Variants in MACF1 observed in about 807,000 individuals in gnomAD.
MACF1 encodes the protein microtubule-actin cross-linking factor 1.
MACF1 carries 193 observed loss-of-function variants against 854.8 expected under a neutral mutation model. The observed-to-expected ratio is 0.23, with a 90% CI of 0.20 to 0.25. The LOEUF is 0.25. Among genes scored for constraint, MACF1 ranks in the 10% least tolerant of loss-of-function variants. MACF1 has a pLI of 1.00. For missense variants in MACF1, 7,722 were observed against 8,929.1 expected, an observed-to-expected ratio of 0.86 and a Z score of 5.45; for synonymous variants, 3,185 against 3,226.7, an observed-to-expected ratio of 0.99 and a Z score of 0.44.
intron 2 of MACF1, among the ~76,000 whole-genome samples, chr1:39,172,825 GGGGTGA>G (rs1643970269): frequency 6.6e-6 from 1 of 152,232 alleles, no homozygotes; most frequent in African/African-American, 2.4e-5. Context: ...GTTCATGCAA[GGGGTGA>G]GGTTGGCATG....
chr1:39,444,056 C>T (rs71642682), intron 79 of MACF1, among the ~76,000 whole-genome samples: 200 of 152,262 alleles, frequency 1.3e-3, no homozygotes, highest in Non-Finnish European at 2.0e-3. Flanking sequence ...TTTTTCTTGG[C>T]CGAGCGCAGT....
intron 55 of MACF1, among the ~76,000 whole-genome samples, chr1:39,381,199 A>C (rs112193404): frequency 0.041 from 6,203 of 152,018 alleles, 344 homozygotes; most frequent in African/African-American, 0.12. Flanking sequence ...CTGGCATTGC[A>C]GGCATGCGCC....
upstream of MACF1, among the ~76,000 whole-genome samples, chr1:39,202,723 A>G (rs1354177809): frequency 6.6e-6 from 1 of 151,756 alleles, no homozygotes; most frequent in Non-Finnish European, 1.5e-5. Flanking sequence ...CATTTATGTG[A>G]CAAGCTATGT....
chr1:39,392,306 A>G (rs1642066925), intron 58 of MACF1, among the ~76,000 whole-genome samples: 1 of 152,194 alleles, frequency 6.6e-6, no homozygotes, highest in Admixed American at 6.6e-5. Flanking sequence ...TTTTGGACCC[A>G]TTCTGAGGAC....
intron 72 of MACF1, among the ~76,000 whole-genome samples, chr1:39,439,845 A>G (rs557851675): frequency 6.6e-6 from 1 of 152,198 alleles, no homozygotes; most frequent in African/African-American, 2.4e-5. Context: ...ACCTCAGGTG[A>G]TCCACCCACC....
chr1:39,392,859 G>A (rs543916637), intron 58 of MACF1, among the ~76,000 whole-genome samples: 5 of 152,172 alleles, frequency 3.3e-5, no homozygotes, highest in Non-Finnish European at 7.3e-5. Context: ...GTGGAAGAGA[G>A]TTCCTTTCCA....
intron 1 of MACF1, among the ~76,000 whole-genome samples, chr1:39,216,403 T>G (rs1644577697): frequency 6.6e-6 from 1 of 152,224 alleles, no homozygotes; most frequent in African/African-American, 2.4e-5. Flanking sequence ...ACTGGTTTGG[T>G]AATCTACTAT....
At chr1:39,295,751 C>A in intron 19 of MACF1, 36 bp from the exon 20 acceptor site, 2 of 1,498,690 alleles carry the variant, frequency 1.3e-6, no homozygotes, top group Non-Finnish European at 1.8e-6. Flanking sequence ...GTCTGTTAAA[C>A]TCAAGCCCTT....
intron 1 of MACF1, among the ~76,000 whole-genome samples, chr1:39,227,577 G>A (rs1398112193): frequency 6.6e-6 from 1 of 152,086 alleles, no homozygotes; most frequent in African/African-American, 2.4e-5. Context: ...GTCAGAAAAG[G>A]CAGCCAAAAT....
Position 39,340,963 on chromosome 1 carries a change from A to G in MACF1, c.10581+10A>G, listed in dbSNP as rs937144859. ...CCTCCAACAGTATGAGGTAAACTCA[A>G]GCACATTTTCTTTGTCCTTTGAGTT... is the stretch of plus-strand genomic sequence containing the variant. On this transcript the variant is annotated intron_variant, in intron 40 of 100. Coordinates refer to ENST00000564288, the MANE Select transcript of MACF1 (RefSeq NM_001394062.1). The G allele has an allele frequency of 4.4e-6, 7 of 1,587,992 alleles. No individual in the cohort carries two copies. Among genetic ancestry groups the G allele is most frequent in the Non-Finnish European group, 8.6e-7 (1 of 1,169,212 alleles).
At chr1:39,398,408 G>A (rs754784926) in intron 58 of MACF1, among the ~76,000 whole-genome samples, 1 of 151,966 alleles carries the variant, frequency 6.6e-6, no homozygotes, top group Non-Finnish European at 1.5e-5. Flanking sequence ...CAGAGTGCTG[G>A]TATTACAGGA....
chr1:39,422,748 C>G lies in MACF1; in HGVS notation c.15997C>G (p.Gln5333Glu), dbSNP rs749469206. Reference sequence around the variant, plus strand: ...GATACAGGTCGCACAAAGAATTGCACAGCTACAGGAAGCTTTGTTGCATTG... The same window carrying G: ...GATACAGGTCGCACAAAGAATTGCAGAGCTACAGGAAGCTTTGTTGCATTG... ...LNKKVAQRIA[Q>E]LQEALLHCGK... The change falls in exon 60 of 101, where the codon CAG becomes GAG. Residue 5333 changes from glutamine (Q) to glutamate (E), a missense_variant. Transcript: ENST00000564288. The G allele has an allele frequency of 2.5e-6, 4 of 1,614,212 alleles. No homozygotes were observed. In the South Asian group the frequency reaches 4.4e-5, roughly 18 times the overall value.
intron 2 of MACF1, among the ~76,000 whole-genome samples, chr1:39,126,985 C>T (rs1642876709): frequency 1.3e-5 from 2 of 151,362 alleles, no homozygotes; most frequent in Non-Finnish European, 1.5e-5. Flanking sequence ...TAATCCCAGC[C>T]CTTTGGGAGG....
intron 68 of MACF1, 22 bp from the exon 69 acceptor site, chr1:39,434,386 CTTTTTT>C: frequency 2.1e-4 from 203 of 985,778 alleles, no homozygotes; most frequent in Middle Eastern, 4.6e-4. Context: ...AATACTTATC[CTTTTTT>C]TTTTTTTTTT....
At chr1:39,273,726 G>A (rs576746149) in intron 6 of MACF1, among the ~76,000 whole-genome samples, 2 of 152,160 alleles carry the variant, frequency 1.3e-5, no homozygotes, top group East Asian at 3.9e-4. Flanking sequence ...GAGTAGCTGG[G>A]ACTACAGGCG....
chr1:39,300,903 T>C (rs1430567956), intron 22 of MACF1, among the ~76,000 whole-genome samples: 1 of 152,048 alleles, frequency 6.6e-6, no homozygotes, highest in Non-Finnish European at 1.5e-5. Context: ...GACTTGCAGC[T>C]ATAGTCTACT....
At chr1:39,330,283 A>C (rs1646695283) in intron 36 of MACF1, among the ~76,000 whole-genome samples, 1 of 152,184 alleles carries the variant, frequency 6.6e-6, no homozygotes, top group African/African-American at 2.4e-5. Flanking sequence ...AGAAGCTAGC[A>C]TTGTCCAAGA....
chr1:39,234,176 C>T (rs995586011), intron 2 of MACF1, among the ~76,000 whole-genome samples: 1 of 151,590 alleles, frequency 6.6e-6, no homozygotes, highest in African/African-American at 2.4e-5. Context: ...TGAAAAGTCT[C>T]CCATGTCTAC....
rs763713228 is a variant in MACF1 at position 39,455,014 on chromosome 1, G to T, written c.20992G>T (p.Ala6998Ser). The change falls in exon 89 of 101, where the codon GCT becomes TCT. Residue 6998 changes from alanine (A) to serine (S), a missense_variant. Transcript: ENST00000564288. The part of the protein sequence containing the change: ...LEELLAWIQW[A>S]ETTLIQRDQE... ...AGAACTTCTGGCATGGATCCAGTGGGCTGAGACCACCCTCATTCAGCGGGA... is the reference window on the plus strand; with the variant it reads ...AGAACTTCTGGCATGGATCCAGTGGTCTGAGACCACCCTCATTCAGCGGGA... The T allele has an allele frequency of 6.2e-7, 1 of 1,614,112 alleles. No homozygotes were observed. Among genetic ancestry groups the T allele is most frequent in the South Asian group, 1.1e-5 (1 of 91,072 alleles).
Sources: gnomAD v4.1 joint callset for allele counts (sites outside exome capture counted in the v4.1 genomes callset) on GRCh38, gnomAD v4.1.1 for gene constraint, MANE v1.5 for transcripts, NCBI Gene and HGNC (gene_info 2026-07-23, HGNC 2026-07-21) for gene names.